NPTX1: variants seen among roughly 807,000 people sequenced by gnomAD.
NPTX1 encodes neuronal pentraxin 1.
A neutral mutation model predicts 38.7 loss-of-function variants in NPTX1; 12 were observed. The observed-to-expected ratio is 0.31, with a 90% CI of 0.20 to 0.50. NPTX1 has a LOEUF of 0.50. NPTX1 is among the 20% of genes least tolerant of loss of function. NPTX1 has a pLI of 0.98. For synonymous variants in NPTX1, 272 were observed against 264.9 expected (o/e 1.03, Z -0.26); for missense variants, 454 against 592.2 (o/e 0.77, Z 2.42).
rs1015982621 is a variant in NPTX1 at position 80,476,398 on chromosome 17, G to A, written c.49C>T (p.Leu17Phe). 2.6e-6 allele frequency: 4 copies of A among 1,512,132 alleles called. No individual in the cohort carries two copies. Among genetic ancestry groups the A allele is most frequent in the African/African-American group, 2.9e-5 (2 of 69,546 alleles). The allele number at this position is 1,512,132 out of a possible 1,614,324, so 93.7% of individuals were successfully genotyped here. ...AAATCCTGGGCCCCGGCGCCCAGGA[G>A]GCAGAGGGCGAGCAGCGCACAGGTG... is the stretch of plus-strand genomic sequence containing the variant. ...ARTCALLALCLLGAGAQDFGP... is the reference protein window; with the variant it reads ...ARTCALLALCFLGAGAQDFGP... Residue 17 changes from leucine to phenylalanine, a missense_variant, in exon 1 of 5, where the codon CTC (leucine) becomes TTC (phenylalanine). By Grantham distance (22) the Leu-to-Phe change is conservative. Transcript: ENST00000306773. This position sits in a 1 kb window ranked among gnomAD's most constrained non-coding sequence, Gnocchi z 6.3.
Position 80,469,114 on chromosome 17 carries a change from A to T in NPTX1, c.*1699T>A, listed in dbSNP as rs1282201436. 6.6e-6 allele frequency: 1 copy of T among 152,500 alleles called. No homozygotes were observed. The highest frequency in any genetic ancestry group is 6.5e-5 in the Admixed American group (1 of 15,272). The allele number at this position is 152,500 out of a possible 1,614,324, so 9.4% of individuals were successfully genotyped here. ...GCACTAGGTTCTTGACACAACGTGG[A>T]CCTGTGTTTAAGGGGACAGGTGGCC... On this transcript the variant is annotated 3_prime_UTR_variant, in exon 5 of 5. Transcript: ENST00000306773.
chr17:80,473,430 G>A lies in NPTX1; in HGVS notation c.667C>T (p.Arg223Cys). The A allele has an allele frequency of 6.2e-7, 1 of 1,613,868 alleles. No individual in the cohort carries two copies. Among genetic ancestry groups the A allele is most frequent in the South Asian group, 1.1e-5 (1 of 91,072 alleles). The change falls in exon 3 of 5, where the codon CGC (arginine) becomes TGC (cysteine). Residue 223 changes from arginine (R) to cysteine (C), a missense_variant. Arg to Cys is a radical substitution (Grantham distance 180, BLOSUM62 -3). This residue lies in a region of NPTX1 where 288 missense variants were observed against 318.4 expected (regional missense o/e 0.90). Coordinates refer to ENST00000306773, the MANE Select transcript of NPTX1 (RefSeq NM_002522.4). ...SELEKGQKDN[R>C]PGDKFQLTFP... is the part of the protein sequence containing the mutation. ...GTGAGCTGGAACTTGTCTCCAGGGC[G>A]GTTGTCTTTCTGACCTGCGGAAGAC...
rs2083837279 is a variant in NPTX1, at chr17:80,470,827, G to A, written c.1285C>T (p.Arg429Cys). 3 of 1,594,756 alleles carry A rather than the reference G, an allele frequency of 1.9e-6. No individual in the cohort carries two copies. The highest frequency in any genetic ancestry group is 1.7e-6 in the Non-Finnish European group (2 of 1,165,562). ...GCCTGCCGTGCTCAGTTGATCTGGCGACAGGCCTCGAAGGTCCACTTGGTG... is the reference window on the plus strand; with the variant it reads ...GCCTGCCGTGCTCAGTTGATCTGGCAACAGGCCTCGAAGGTCCACTTGGTG... Reference protein sequence around the residue: ...GATKWTFEACRQIN With the variant: ...GATKWTFEACCQIN Residue 429 changes from arginine to cysteine, a missense_variant, in exon 5 of 5, where the codon CGC becomes TGC. Around this residue, in one of 4 missense-constraint regions of NPTX1, gnomAD observed 50 missense variants for 54.0 expected, o/e 0.93. Coordinates refer to ENST00000306773, the MANE Select transcript of NPTX1 (RefSeq NM_002522.4).
intron 2 of NPTX1, 63 bp from the exon 3 acceptor site, chr17:80,473,507 G>C: frequency 6.4e-7 from 1 of 1,557,360 alleles, no homozygotes; most frequent in Non-Finnish European, 8.8e-7. Flanking sequence ...TCTGAGTTGA[G>C]TTCGGTCCCC....
chr17:80,475,504 C>T lies in NPTX1; in HGVS notation c.652+7G>A. On this transcript the variant is annotated splice_region_variant and intron_variant, in intron 2 of 4. Transcript: ENST00000306773. This position sits in a 1 kb window ranked among gnomAD's most constrained non-coding sequence, Gnocchi z 6.5. Reference sequence around the variant, plus strand: ...GCAGGCAGCACGGCTCCCCCTGGCCCCAGTACCTTTCTCGAGCTCGCTGAT... The same window carrying T: ...GCAGGCAGCACGGCTCCCCCTGGCCTCAGTACCTTTCTCGAGCTCGCTGAT... 1 of 1,609,554 alleles carries T rather than the reference C, an allele frequency of 6.2e-7. No individual in the cohort carries two copies. The highest frequency in any genetic ancestry group is 2.2e-5 in the East Asian group (1 of 44,848).
Position 80,467,243 on chromosome 17 carries a change from G to C in NPTX1, c.*3570C>G, listed in dbSNP as rs1804660. 1 of 141,026 alleles carries C rather than the reference G, an allele frequency of 7.1e-6. No homozygotes were observed. The highest frequency in any genetic ancestry group is 1.5e-5 in the Non-Finnish European group (1 of 66,362). The allele number at this position is 141,026 out of a possible 1,614,324, so 8.7% of individuals were successfully genotyped here. A position where few individuals can be genotyped will look rare whatever the true frequency, so the allele number is the denominator to read the frequency against. ...AACAAATTGCACTTCAGTCCACTGT[G>C]TACAGAAGTAATACATTTCCCATCG... On this transcript the variant is annotated 3_prime_UTR_variant, in exon 5 of 5. Coordinates refer to ENST00000306773, the MANE Select transcript of NPTX1 (RefSeq NM_002522.4).
rs931331870 is a variant in NPTX1, at chr17:80,469,779, C to G, written c.*1034G>C. On this transcript the variant is annotated 3_prime_UTR_variant, in exon 5 of 5. Transcript: ENST00000306773. ...TGGCCCCATGTGGCCAGGTCTTCAT[C>G]GAAACACGGCTTCTTTCCTTAAAAG... 3.9e-5 allele frequency: 6 copies of G among 152,306 alleles called. No homozygotes were observed. The highest frequency in any genetic ancestry group is 1.4e-4 in the African/African-American group (6 of 41,464). 9.4% of individuals were successfully genotyped at this position (152,306 alleles called of 1,614,324 possible).
chr17:80,475,386 G>C lies in NPTX1; in HGVS notation c.652+125C>G. The C allele has an allele frequency of 1.4e-6, 1 of 694,534 alleles. No homozygotes were observed. Among genetic ancestry groups the C allele is most frequent in the Non-Finnish European group, 2.4e-6 (1 of 418,348 alleles). The allele number at this position is 694,534 out of a possible 1,614,324, so 43.0% of individuals were successfully genotyped here. Reference sequence around the variant, plus strand: ...GCGGGGAATGAGAAAGCGGTGCAGGGGTTGGGGGTAGCGGAGCGGCTTGAG... The same window carrying C: ...GCGGGGAATGAGAAAGCGGTGCAGGCGTTGGGGGTAGCGGAGCGGCTTGAG... On this transcript the variant is annotated intron_variant, in intron 2 of 4. Transcript: ENST00000306773. This position sits in a 1 kb window ranked among gnomAD's most constrained non-coding sequence, Gnocchi z 6.5.
Position 80,475,170 on chromosome 17 carries a change from A to T in NPTX1, c.652+341T>A, listed in dbSNP as rs1427572561. 6.6e-6 allele frequency among the ~76,000 whole-genome samples: 1 copy of T among 152,158 alleles called. No individual in the cohort carries two copies. Among genetic ancestry groups the T allele is most frequent in the Non-Finnish European group, 1.5e-5 (1 of 68,028 alleles). The stretch of plus-strand genomic sequence containing the variant: ...GGCTTTCTTAAGCAGGGAGGGTTTG[A>T]GCCAGCGACAGCCACTGTGCAAAGT... On this transcript the variant is annotated intron_variant, in intron 2 of 4. Coordinates refer to ENST00000306773, the MANE Select transcript of NPTX1 (RefSeq NM_002522.4). This position sits in a 1 kb window ranked among gnomAD's most constrained non-coding sequence, Gnocchi z 6.5.
chr17:80,473,738 A>G, intron 2 of NPTX1: 1 of 449,192 alleles, frequency 2.2e-6, no homozygotes, highest in Non-Finnish European at 4.1e-6. Context: ...GGGCTGCTGC[A>G]TCAACACTGG....
chr17:80,472,956 T>A (rs972077492), intron 3 of NPTX1, among the ~76,000 whole-genome samples: 1 of 152,166 alleles, frequency 6.6e-6, no homozygotes, highest in Non-Finnish European at 1.5e-5. Context: ...CTCCGCCATC[T>A]CCCGTACCCA....
chr17:80,474,807 C>CG (rs1407280888), intron 2 of NPTX1: 1 of 144,312 alleles, frequency 6.9e-6, no homozygotes, highest in Non-Finnish European at 1.5e-5. Flanking sequence ...GGCACCCCCC[C>CG]CCCTCCCCTT....
Position 80,476,474 on chromosome 17 carries a change from C to A in NPTX1, c.-28G>T, listed in dbSNP as rs2143054591. On this transcript the variant is annotated 5_prime_UTR_variant, in exon 1 of 5. Coordinates refer to ENST00000306773, the MANE Select transcript of NPTX1 (RefSeq NM_002522.4). The surrounding 1 kb of genome is among the most constrained non-coding windows in gnomAD (Gnocchi z 6.3). ...CTGCGGGCACCGGGCGCTCCGGGCCCGGCTCGGCTCGGCTGGGGCTCGGCT... is the reference window on the plus strand; with the variant it reads ...CTGCGGGCACCGGGCGCTCCGGGCCAGGCTCGGCTCGGCTGGGGCTCGGCT... The A allele has an allele frequency of 2.1e-5, 25 of 1,164,054 alleles. No individual in the cohort carries two copies. The highest frequency in any genetic ancestry group is 2.4e-5 in the Non-Finnish European group (23 of 944,974). The allele number at this position is 1,164,054 out of a possible 1,614,324, so 72.1% of individuals were successfully genotyped here. A position where few individuals can be genotyped will look rare whatever the true frequency, so the allele number is the denominator to read the frequency against.
rs752990315 is a variant in NPTX1, at chr17:80,471,919, G to A, written c.898-8C>T. On this transcript the variant is annotated splice_region_variant and splice_polypyrimidine_tract_variant and intron_variant, in intron 3 of 4. Coordinates refer to ENST00000306773, the MANE Select transcript of NPTX1 (RefSeq NM_002522.4). ...AAAAGGCAACTTGGCCACCTGGGAA[G>A]GAGAATGACAGACGCCAGCTGGTGA... 4 of 1,607,816 alleles carry A rather than the reference G, an allele frequency of 2.5e-6. No individual in the cohort carries two copies. Among genetic ancestry groups the A allele is most frequent in the Admixed American group, 1.7e-5 (1 of 59,612 alleles).
chr17:80,471,799 C>G lies in NPTX1; in HGVS notation c.1010G>C (p.Ser337Thr). Residue 337 changes from serine (S) to threonine (T), a missense_variant, in exon 4 of 5, where the codon AGT becomes ACT. By Grantham distance (58) the Ser-to-Thr change is moderately conservative. Coordinates refer to ENST00000306773, the MANE Select transcript of NPTX1 (RefSeq NM_002522.4). ...GTGATAGGGCGCCAAGTTCTCGCCA[C>G]TGCCACCCTGCGTGCCATCCTGGTA... ...EAYQDGTQGG[S>T]GENLAPYHPI... 1 of 1,613,532 alleles carries G rather than the reference C, an allele frequency of 6.2e-7. No individual in the cohort carries two copies. Among genetic ancestry groups the G allele is most frequent in the Non-Finnish European group, 8.5e-7 (1 of 1,180,030 alleles).
intron 3 of NPTX1, 121 bp from the exon 4 acceptor site, chr17:80,472,032 T>C: frequency 1.0e-6 from 1 of 967,656 alleles, no homozygotes; most frequent in Non-Finnish European, 1.5e-6. Flanking sequence ...TAACTATTAC[T>C]GAATTCTCAC....
chr17:80,470,515 A>G lies in NPTX1; in HGVS notation c.*298T>C. On this transcript the variant is annotated 3_prime_UTR_variant, in exon 5 of 5. Coordinates refer to ENST00000306773, the MANE Select transcript of NPTX1 (RefSeq NM_002522.4). Reference sequence around the variant, plus strand: ...CACACACATGTAGACACGCACACACAGATCCTCTCACCAACTTCTGCCTTG... The same window carrying G: ...CACACACATGTAGACACGCACACACGGATCCTCTCACCAACTTCTGCCTTG... 3.5e-6 allele frequency: 1 copy of G among 284,336 alleles called. No individual in the cohort carries two copies. The highest frequency in any genetic ancestry group is 6.7e-6 in the Non-Finnish European group (1 of 148,688). The allele number at this position is 284,336 out of a possible 1,614,324, so 17.6% of individuals were successfully genotyped here.
rs1357657098 is a variant in NPTX1, at chr17:80,469,746, A to G, written c.*1067T>C. The G allele has an allele frequency of 6.6e-6, 1 of 152,336 alleles. No individual in the cohort carries two copies. The highest frequency in any genetic ancestry group is 1.5e-5 in the Non-Finnish European group (1 of 68,096). 9.4% of individuals were successfully genotyped at this position (152,336 alleles called of 1,614,324 possible). The stretch of plus-strand genomic sequence containing the variant: ...CCTTCCCACCGATGGGCTGGGTTGA[A>G]GTCCCAGTGGCCCCATGTGGCCAGG... On this transcript the variant is annotated 3_prime_UTR_variant, in exon 5 of 5. Transcript: ENST00000306773.
chr17:80,468,040 A>C lies in NPTX1; in HGVS notation c.*2773T>G, dbSNP rs375713172. ...GTGCTTTTTATCTTCTTGTTTTATA[A>C]AATGGCTTACCTGAGAGAGGCATGT... On this transcript the variant is annotated 3_prime_UTR_variant, in exon 5 of 5. Transcript: ENST00000306773. The C allele has an allele frequency of 6.6e-6, 1 of 152,668 alleles. No homozygotes were observed. Among genetic ancestry groups the C allele is most frequent in the Non-Finnish European group, 1.5e-5 (1 of 68,056 alleles). The allele number at this position is 152,668 out of a possible 1,614,324, so 9.5% of individuals were successfully genotyped here. A position where few individuals can be genotyped will look rare whatever the true frequency, so the allele number is the denominator to read the frequency against.
Sources: gnomAD v4.1 joint callset for allele counts (sites outside exome capture counted in the v4.1 genomes callset) on GRCh38, gnomAD v4.1.1 for gene constraint, gnomAD v4.1.1 regional missense constraint, Gnocchi (gnomAD v3.1) non-coding constraint, MANE v1.5 for transcripts, NCBI Gene and HGNC (gene_info 2026-07-23, HGNC 2026-07-21) for gene names.